Variants in MGMT observed in about 807,000 individuals in gnomAD.
The protein encoded by MGMT is O-6-methylguanine-DNA methyltransferase, also known as methylated-DNA--protein-cysteine methyltransferase.
In MGMT, 14 loss-of-function variants were observed where a neutral mutation model predicts 15.9. That is an observed-to-expected ratio of 0.88 (90% confidence interval 0.58 to 1.37). The LOEUF is 1.37. Ranked by LOEUF, MGMT falls within the 40% of genes most tolerant of loss-of-function variation. MGMT has a pLI of 0.00. For synonymous variants in MGMT, 130 were observed against 118.2 expected, an observed-to-expected ratio of 1.10 and a Z score of -0.65; for missense variants, 282 against 268.1, an observed-to-expected ratio of 1.05 and a Z score of -0.36.
chr10:129,638,474 T>A (rs1847291445), intron 2 of MGMT, among the ~76,000 whole-genome samples: 2 of 123,830 alleles, frequency 1.6e-5, no homozygotes, highest in African/African-American at 3.1e-5. Context: ...AACTGACGTC[T>A]ATCTAGAAGA....
At chr10:129,474,669 G>A (rs951569354) in intron 1 of MGMT, among the ~76,000 whole-genome samples, 1 of 152,182 alleles carries the variant, frequency 6.6e-6, no homozygotes, top group African/African-American at 2.4e-5. Context: ...TCCCTGTTGG[G>A]GGCAACCTGT....
At chr10:129,642,750 A>G (rs1172114430) in intron 2 of MGMT, among the ~76,000 whole-genome samples, 1 of 152,166 alleles carries the variant, frequency 6.6e-6, no homozygotes, top group Non-Finnish European at 1.5e-5. Flanking sequence ...GGCCTGATTC[A>G]GGATAGACCA....
intron 2 of MGMT, among the ~76,000 whole-genome samples, chr10:129,594,831 T>C (rs117522018): frequency 0.033 from 4,951 of 152,296 alleles, 132 homozygotes; most frequent in South Asian, 0.064. Context: ...TCAAAAAGTT[T>C]GTTGGTGACG....
At chr10:129,515,147 A>C (rs916616613) in intron 1 of MGMT, among the ~76,000 whole-genome samples, 1 of 147,566 alleles carries the variant, frequency 6.8e-6, no homozygotes, top group Non-Finnish European at 1.5e-5. Flanking sequence ...ACGTGTGCTG[A>C]CTGTCCAGCA....
At chr10:129,735,628 T>C (rs1290557912) in intron 3 of MGMT, among the ~76,000 whole-genome samples, 8 of 136,274 alleles carry the variant, frequency 5.9e-5, no homozygotes, top group Admixed American at 1.5e-4. Context: ...GCTCTTGCTT[T>C]TCTAGTTCTT....
At chr10:129,512,884 C>G (rs527815830) in intron 1 of MGMT, among the ~76,000 whole-genome samples, 24 of 150,668 alleles carry the variant, frequency 1.6e-4, no homozygotes, top group African/African-American at 5.1e-4. Context: ...TGTGGCCCAG[C>G]AATTCTACCC....
At chr10:129,472,596 C>A (rs1175645527) in intron 1 of MGMT, among the ~76,000 whole-genome samples, 1 of 152,184 alleles carries the variant, frequency 6.6e-6, no homozygotes, top group African/African-American at 2.4e-5. Context: ...TCCGTTTGGA[C>A]CTGCTTTACA....
chr10:129,709,083 C>G (rs1848201232), intron 3 of MGMT, among the ~76,000 whole-genome samples: 1 of 152,244 alleles, frequency 6.6e-6, no homozygotes, highest in Admixed American at 6.5e-5. Flanking sequence ...CTATAATGAA[C>G]CAGGCACCTT....
chr10:129,499,653 C>G (rs914441100), intron 1 of MGMT, among the ~76,000 whole-genome samples: 2 of 152,124 alleles, frequency 1.3e-5, no homozygotes, highest in African/African-American at 4.8e-5. Context: ...AAAATTCATT[C>G]GATGAACCTA....
At chr10:129,757,521 G>T (rs932362631) in intron 3 of MGMT, among the ~76,000 whole-genome samples, 1 of 152,176 alleles carries the variant, frequency 6.6e-6, no homozygotes, top group Non-Finnish European at 1.5e-5. Flanking sequence ...CAGGAAATTG[G>T]CCTCTGCTTC....
intron 2 of MGMT, among the ~76,000 whole-genome samples, chr10:129,662,209 A>G (rs1847605651): frequency 6.6e-6 from 1 of 152,182 alleles, no homozygotes. Flanking sequence ...GGGGAAGTAG[A>G]GTAAGATCAT....
rs536480017 is a variant in MGMT at position 129,744,835 on chromosome 10, T to G, written c.275-14367T>G. Among the ~76,000 whole-genome samples the G allele has an allele frequency of 1.1e-3, 173 of 152,294 alleles. 2 individuals are homozygous for G. The highest frequency in any genetic ancestry group is 4.0e-3 in the African/African-American group (165 of 41,570). On this transcript the variant is annotated intron_variant, in intron 3 of 4. Transcript: ENST00000651593. ...CCGGGTGGGGATCTGTAGGCCCTGG[T>G]TGTGTTTACAGAAGATGCTGCCCTT... is the stretch of plus-strand genomic sequence containing the variant.
At chr10:129,745,486 G>A (rs1448161295) in intron 3 of MGMT, among the ~76,000 whole-genome samples, 2 of 152,278 alleles carry the variant, frequency 1.3e-5, no homozygotes, top group Middle Eastern at 3.4e-3. Context: ...CTTATAAATG[G>A]AATCAGACAG....
intron 1 of MGMT, among the ~76,000 whole-genome samples, chr10:129,474,527 G>A (rs1356286370): frequency 6.6e-6 from 1 of 152,186 alleles, no homozygotes; most frequent in African/African-American, 2.4e-5. Context: ...GCTTTGGAAG[G>A]GTAGACAGGC....
intron 2 of MGMT, among the ~76,000 whole-genome samples, chr10:129,582,693 C>A (rs978592230): frequency 2.0e-5 from 3 of 151,650 alleles, no homozygotes; most frequent in Non-Finnish European, 4.4e-5. Context: ...TTTTTGGTAT[C>A]TAAATCCCCG....
At chr10:129,645,841 T>C (rs1847382579) in intron 2 of MGMT, among the ~76,000 whole-genome samples, 1 of 152,180 alleles carries the variant, frequency 6.6e-6, no homozygotes, top group Non-Finnish European at 1.5e-5. Context: ...GAAGGTACTC[T>C]AGCATCCATC....
intron 1 of MGMT, among the ~76,000 whole-genome samples, chr10:129,511,038 AT>A (rs1845676812): frequency 6.7e-6 from 1 of 149,006 alleles, no homozygotes; most frequent in Non-Finnish European, 1.5e-5. Context: ...GGGAACCCGT[AT>A]ACCAGATGCA....
chr10:129,598,798 C>G (rs745979250), intron 2 of MGMT, among the ~76,000 whole-genome samples: 1 of 152,178 alleles, frequency 6.6e-6, no homozygotes, highest in Non-Finnish European at 1.5e-5. Context: ...CCCACACCCC[C>G]TCCTGGGCTC....
chr10:129,504,822 GAGAT>G (rs1426873948), intron 1 of MGMT, among the ~76,000 whole-genome samples: 1 of 152,128 alleles, frequency 6.6e-6, no homozygotes, highest in Non-Finnish European at 1.5e-5. Context: ...AGTGGGGAGA[GAGAT>G]GTCATCAAAG....
Sources: allele counts gnomAD v4.1 joint callset (sites outside exome capture counted in the v4.1 genomes callset), GRCh38; gene constraint gnomAD v4.1.1; transcripts MANE v1.5; gene names NCBI Gene and HGNC (gene_info 2026-07-23, HGNC 2026-07-21).